The following GALNT17 variants were observed in gnomAD, a reference collection of about 807,000 sequenced individuals.
GALNT17 encodes the protein polypeptide N-acetylgalactosaminyltransferase 17.
Under a neutral mutation model 63.7 loss-of-function variants are expected in GALNT17, and 29 were observed. That is an observed-to-expected ratio of 0.46 (90% CI 0.34 to 0.62). GALNT17 has a LOEUF of 0.62. GALNT17 is among the 20% of genes least tolerant of loss of function. The pLI is 0.01. For missense variants in GALNT17, 603 were observed against 799.6 expected (o/e 0.75, Z 2.97); for synonymous variants, 305 against 318.3 (o/e 0.96, Z 0.45).
At chr7:71,232,937 A>G (rs140369575) in intron 1 of GALNT17, among the ~76,000 whole-genome samples, 2 of 152,184 alleles carry the variant, frequency 1.3e-5, no homozygotes, top group Non-Finnish European at 2.9e-5. Context: ...CCCATCTCCT[A>G]TCTCAGAAGT....
intron 6 of GALNT17, among the ~76,000 whole-genome samples, chr7:71,573,805 A>G (rs1398381579): frequency 6.6e-6 from 1 of 152,180 alleles, no homozygotes; most frequent in Non-Finnish European, 1.5e-5. Context: ...CCTGATAGGT[A>G]GTTTTGATCC....
At chr7:71,652,844 A>G (rs905159937) in intron 6 of GALNT17, among the ~76,000 whole-genome samples, 2 of 152,224 alleles carry the variant, frequency 1.3e-5, no homozygotes, top group Non-Finnish European at 2.9e-5. Flanking sequence ...AGAACCCGCC[A>G]TAGCTCGCCC....
intron 9 of GALNT17, among the ~76,000 whole-genome samples, chr7:71,708,952 A>G (rs949861748): frequency 2.0e-5 from 3 of 152,094 alleles, no homozygotes; most frequent in Non-Finnish European, 4.4e-5. Context: ...TTCTTCATCA[A>G]ATTCACCATT....
chr7:71,526,782 G>T (rs918375447), intron 5 of GALNT17, among the ~76,000 whole-genome samples: 11 of 152,118 alleles, frequency 7.2e-5, no homozygotes, highest in Admixed American at 6.6e-5. Flanking sequence ...CTGAAGTGTT[G>T]TGATTACAGA....
At chr7:71,487,178 T>G (rs892372917) in intron 5 of GALNT17, among the ~76,000 whole-genome samples, 21 of 152,172 alleles carry the variant, frequency 1.4e-4, no homozygotes, top group African/African-American at 5.1e-4. Flanking sequence ...CTTCCCTCAC[T>G]CCCTGTACCC....
chr7:71,341,957 C>T (rs1444800374), intron 2 of GALNT17, among the ~76,000 whole-genome samples: 1 of 152,044 alleles, frequency 6.6e-6, no homozygotes, highest in South Asian at 2.1e-4. Context: ...ATGCAGGGCT[C>T]CAGGAGGTAT....
chr7:71,377,335 C>T (rs1366662858), intron 2 of GALNT17, among the ~76,000 whole-genome samples: 1 of 24,270 alleles, frequency 4.1e-5, no homozygotes, highest in Non-Finnish European at 7.8e-5. Flanking sequence ...AGCCGTGGAG[C>T]CAGTAGGTGA....
chr7:71,607,328 G>A (rs1790061808), intron 6 of GALNT17, among the ~76,000 whole-genome samples: 1 of 152,176 alleles, frequency 6.6e-6, no homozygotes, highest in South Asian at 2.1e-4. Flanking sequence ...AATTGATGAT[G>A]AAAGAATATG....
rs898055135 is a variant in GALNT17 at position 71,712,317 on chromosome 7, C to G, written c.*171C>G. The stretch of plus-strand genomic sequence containing the variant: ...ACCCCGGATGAAGACTCTGTCCCCC[C>G]TCAGGCATTCAGCTGCCCACAAGTT... On this transcript the variant is annotated 3_prime_UTR_variant, in exon 11 of 11. Coordinates refer to ENST00000333538, the MANE Select transcript of GALNT17 (RefSeq NM_022479.3). 1.2e-5 allele frequency: 9 copies of G among 734,454 alleles called. No homozygotes were observed. In the African/African-American group the frequency reaches 1.4e-4, roughly 12 times the overall value. 45.5% of individuals were successfully genotyped at this position (734,454 alleles called of 1,614,324 possible).
intron 5 of GALNT17, among the ~76,000 whole-genome samples, chr7:71,451,675 C>T (rs1787265177): frequency 1.3e-5 from 2 of 152,036 alleles, no homozygotes; most frequent in South Asian, 4.1e-4. Context: ...ATAGCAAAAG[C>T]ATTTAATATT....
At chr7:71,253,726 G>A (rs1257661913) in intron 1 of GALNT17, among the ~76,000 whole-genome samples, 10 of 151,954 alleles carry the variant, frequency 6.6e-5, no homozygotes, top group Admixed American at 6.6e-4. Flanking sequence ...GGCTTACATA[G>A]GTACAGGTAA....
intron 1 of GALNT17, among the ~76,000 whole-genome samples, chr7:71,199,641 C>T (rs1396958214): frequency 1.4e-5 from 2 of 139,964 alleles, no homozygotes; most frequent in Non-Finnish European, 3.1e-5. Flanking sequence ...CCCCATCCAC[C>T]GACCCACCCA....
intron 6 of GALNT17, among the ~76,000 whole-genome samples, chr7:71,579,333 C>T (rs1789590078): frequency 6.6e-6 from 1 of 152,196 alleles, no homozygotes. Context: ...TGGTGAGTGC[C>T]TTCTGTAGCC....
chr7:71,178,311 A>G (rs1788674928), intron 1 of GALNT17, among the ~76,000 whole-genome samples: 1 of 151,738 alleles, frequency 6.6e-6, no homozygotes, highest in Non-Finnish European at 1.5e-5. Flanking sequence ...GTGATTTGTC[A>G]TTTTTTTCTG....
At chr7:71,614,661 G>A (rs1206793635) in intron 6 of GALNT17, among the ~76,000 whole-genome samples, 9 of 150,638 alleles carry the variant, frequency 6.0e-5, no homozygotes, top group African/African-American at 2.2e-4. Flanking sequence ...AGACAGAGAG[G>A]AAGAAAGGAA....
intron 3 of GALNT17, among the ~76,000 whole-genome samples, chr7:71,393,021 T>A (rs1554364584): frequency 6.6e-6 from 1 of 152,238 alleles, no homozygotes; most frequent in Non-Finnish European, 1.5e-5. Flanking sequence ...GCTATGAGTT[T>A]ATTTTTTTTA....
intron 1 of GALNT17, among the ~76,000 whole-genome samples, chr7:71,323,742 A>T (rs765288531): frequency 6.6e-6 from 1 of 152,222 alleles, no homozygotes; most frequent in Non-Finnish European, 1.5e-5. Flanking sequence ...AAATTTGGCC[A>T]GTGCAGTTTA....
intron 2 of GALNT17, among the ~76,000 whole-genome samples, chr7:71,385,581 C>T (rs749827017): frequency 1.4e-4 from 21 of 152,272 alleles, no homozygotes; most frequent in South Asian, 4.2e-4. Context: ...TGCACATTCC[C>T]GCCAGCCTGA....
At chr7:71,281,631 A>C (rs970903685) in intron 1 of GALNT17, among the ~76,000 whole-genome samples, 5 of 152,170 alleles carry the variant, frequency 3.3e-5, no homozygotes, top group African/African-American at 1.2e-4. Context: ...GACACCTCTC[A>C]CTTTTTCCTT....
Sources: allele counts gnomAD v4.1 joint callset (sites outside exome capture counted in the v4.1 genomes callset), GRCh38; gene constraint gnomAD v4.1.1; transcripts MANE v1.5; gene names NCBI Gene and HGNC (gene_info 2026-07-23, HGNC 2026-07-21).